The following GTF2A1 variants were observed in gnomAD, a reference collection of about 807,000 sequenced individuals.
GTF2A1 encodes the protein general transcription factor IIA subunit 1, also known as transcription initiation factor IIA subunit 1.
GTF2A1 carries 12 observed loss-of-function variants against 54.1 expected under a neutral mutation model. The ratio of observed to expected loss-of-function variants is 0.22; its 90% CI spans 0.14 to 0.36. GTF2A1 has a LOEUF of 0.36. Ranked by LOEUF, GTF2A1 falls within the 10% of genes least tolerant of loss-of-function variation. The pLI, the probability that GTF2A1 is intolerant of heterozygous loss-of-function variation, is 1.00. For synonymous variants in GTF2A1, 145 were observed against 152.0 expected, an observed-to-expected ratio of 0.95 and a Z score of 0.34; for missense variants, 335 against 442.2, an observed-to-expected ratio of 0.76 and a Z score of 2.17.
upstream of GTF2A1, chr14:81,221,144 C>G (rs778497085): frequency 2.0e-5 from 3 of 152,292 alleles, no homozygotes; most frequent in African/African-American, 4.8e-5. Context: ...GAAATCGGAC[C>G]TACGCCTCTC....
intron 1 of GTF2A1, among the ~76,000 whole-genome samples, chr14:81,217,948 T>C (rs989327189): frequency 7.2e-5 from 11 of 152,220 alleles, no homozygotes; most frequent in African/African-American, 2.4e-4. Flanking sequence ...AATCCGCCTC[T>C]TGAAGTTTAT....
chr14:81,180,467 A>G, intron 8 of GTF2A1, 137 bp from the exon 9 acceptor site: 1 of 509,052 alleles, frequency 2.0e-6, no homozygotes, highest in South Asian at 2.7e-5. Flanking sequence ...GTATTTGCAA[A>G]TTGGTTTGTT....
intron 2 of GTF2A1, among the ~76,000 whole-genome samples, chr14:81,208,226 T>C (rs61980898): frequency 0.13 from 19,504 of 152,116 alleles, 1,436 homozygotes; most frequent in African/African-American, 0.2. Flanking sequence ...GCCTAGGGAT[T>C]TGGTGCCCTG....
At chr14:81,184,953 C>T (rs1191972529) in intron 8 of GTF2A1, among the ~76,000 whole-genome samples, 1 of 152,144 alleles carries the variant, frequency 6.6e-6, no homozygotes, top group Non-Finnish European at 1.5e-5. Flanking sequence ...TGGAAAGAAG[C>T]ACCCTGTCTA....
At chr14:81,220,346 G>C in intron 1 of GTF2A1, 143 bp downstream of exon 1, 1 of 288,924 alleles carries the variant, frequency 3.5e-6, no homozygotes, top group Non-Finnish European at 5.8e-6. Context: ...CGATCCGCCC[G>C]AGGCGGGAAG....
chr14:81,208,411 C>G (rs902867980), intron 2 of GTF2A1, among the ~76,000 whole-genome samples: 1 of 152,324 alleles, frequency 6.6e-6, no homozygotes, highest in East Asian at 1.9e-4. Context: ...ATGGAAACGC[C>G]TGGATGCCCA....
chr14:81,192,454 T>C, intron 7 of GTF2A1, 65 bp downstream of exon 7: 2 of 1,187,306 alleles, frequency 1.7e-6, no homozygotes, highest in Non-Finnish European at 2.4e-6. Flanking sequence ...AATTTATCAG[T>C]GTTGTACCAA....
chr14:81,220,607 G>A lies in GTF2A1; in HGVS notation c.-89C>T. On this transcript the variant is annotated 5_prime_UTR_variant, in exon 1 of 9. Transcript: ENST00000553612. ...AAAAAAAAAACTATAACACCCGGAG[G>A]GTGACCCAAATCACCGCAAGATTGG... 1.8e-6 allele frequency: 2 copies of A among 1,104,674 alleles called. No homozygotes were observed. The highest frequency in any genetic ancestry group is 2.6e-6 in the Non-Finnish European group (2 of 780,670). The allele number at this position is 1,104,674 out of a possible 1,614,324, so 68.4% of individuals were successfully genotyped here.
intron 2 of GTF2A1, among the ~76,000 whole-genome samples, chr14:81,214,753 A>G (rs1002017133): frequency 1.4e-5 from 2 of 141,720 alleles, no homozygotes; most frequent in Non-Finnish European, 3.1e-5. Flanking sequence ...AATTTTCACT[A>G]ATTTGTTTAG....
intron 6 of GTF2A1, among the ~76,000 whole-genome samples, chr14:81,194,838 G>C (rs576678357): frequency 6.6e-6 from 1 of 152,310 alleles, no homozygotes; most frequent in Admixed American, 6.5e-5. Context: ...GCTGTTAAAA[G>C]TTTTAGGATT....
intron 2 of GTF2A1, among the ~76,000 whole-genome samples, chr14:81,215,889 G>T (rs1893477755): frequency 2.6e-5 from 4 of 152,166 alleles, no homozygotes; most frequent in Non-Finnish European, 5.9e-5. Context: ...ACAAAAATTA[G>T]CCAGGCATGC....
Position 81,196,195 on chromosome 14 carries a change from G to T in GTF2A1, c.525C>A (p.Ile175=). 1.9e-6 allele frequency: 3 copies of T among 1,613,982 alleles called. No homozygotes were observed. Among genetic ancestry groups the T allele is most frequent in the Non-Finnish European group, 2.5e-6 (3 of 1,179,846 alleles). The change falls in exon 6 of 9, where the codon ATC becomes ATA. Residue 175 remains isoleucine, a synonymous_variant. Transcript: ENST00000553612. ...GAACCACTGACTGCTGAGGCTGAAA[G>T]ATATATTGGGCACCATTGGCTGCTC... is the stretch of plus-strand genomic sequence containing the variant. ...VVRAANGAQY[I]FQPQQSVVLQ...
At chr14:81,188,868 G>C (rs187954804) in intron 7 of GTF2A1, among the ~76,000 whole-genome samples, 1 of 152,044 alleles carries the variant, frequency 6.6e-6, no homozygotes, top group East Asian at 1.9e-4. Context: ...CTTAGATGTA[G>C]GTCCCTAATC....
At chr14:81,207,983 C>A (rs4363794) in intron 2 of GTF2A1, among the ~76,000 whole-genome samples, 77,899 of 152,072 alleles carry the variant, frequency 0.51, 20,122 homozygotes, top group Middle Eastern at 0.59. Flanking sequence ...AGAAAATTTG[C>A]AGCCTGACAA....
At chr14:81,211,904 T>TATATATATATATATA (rs1893378848) in intron 2 of GTF2A1, among the ~76,000 whole-genome samples, 1 of 138,188 alleles carries the variant, frequency 7.2e-6, no homozygotes, top group African/African-American at 2.7e-5. Flanking sequence ...TATATATATA[T>TATATATATATATATA]ATATAACTAG....
intron 7 of GTF2A1, among the ~76,000 whole-genome samples, chr14:81,187,212 G>A (rs567424048): frequency 2.4e-4 from 36 of 151,868 alleles, no homozygotes; most frequent in African/African-American, 6.8e-4. Flanking sequence ...AAAATTAGCC[G>A]GGCATGGTGG....
chr14:81,175,522 A>T lies in GTF2A1; in HGVS notation c.*4701T>A, dbSNP rs1480167830. ...GTTAAAATTTGCATGTTTTCTAGATAGTCTGTTAACAGGATAAAAAAATAC... is the reference window on the plus strand; with the variant it reads ...GTTAAAATTTGCATGTTTTCTAGATTGTCTGTTAACAGGATAAAAAAATAC... On this transcript the variant is annotated 3_prime_UTR_variant, in exon 9 of 9. Coordinates refer to ENST00000553612, the MANE Select transcript of GTF2A1 (RefSeq NM_015859.4). 6.6e-6 allele frequency: 1 copy of T among 152,230 alleles called. No individual in the cohort carries two copies. Among genetic ancestry groups the T allele is most frequent in the Non-Finnish European group, 1.5e-5 (1 of 68,028 alleles). The allele number at this position is 152,230 out of a possible 1,614,324, so 9.4% of individuals were successfully genotyped here.
In GTF2A1 at chr14:81,183,989, G is replaced by A. The variant is rs143396624; in HGVS notation, c.1023+1542C>T. The stretch of plus-strand genomic sequence containing the variant: ...CCACCACCCTCCTCCAATCTTCAGA[G>A]CAATTCATTTGATTCTCAAAATTAG... On this transcript the variant is annotated intron_variant, in intron 8 of 8. Transcript: ENST00000553612. Among the ~76,000 whole-genome samples the A allele has an allele frequency of 8.6e-4, 131 of 152,236 alleles. 1 individual carries two copies. Among genetic ancestry groups the A allele is most frequent in the African/African-American group, 3.1e-3 (128 of 41,544 alleles).
intron 2 of GTF2A1, among the ~76,000 whole-genome samples, chr14:81,211,873 CTTTATATATA>C (rs56307007): frequency 0.47 from 46,997 of 99,176 alleles, 10,669 homozygotes; most frequent in Middle Eastern, 0.57. Context: ...GTATCAAGTA[CTTTATATATA>C]TATATATATA....
Sources: gnomAD v4.1 joint callset for allele counts (sites outside exome capture counted in the v4.1 genomes callset) on GRCh38, gnomAD v4.1.1 for gene constraint, MANE v1.5 for transcripts, NCBI Gene and HGNC (gene_info 2026-07-23, HGNC 2026-07-21) for gene names.